Variants in SLC2A12 observed in about 807,000 individuals in gnomAD.
SLC2A12 encodes solute carrier family 2 member 12, also known as solute carrier family 2, facilitated glucose transporter member 12.
In SLC2A12, 23 loss-of-function variants were observed where a neutral mutation model predicts 41.8. The observed-to-expected ratio is 0.55, with a 90% confidence interval of 0.40 to 0.78. SLC2A12 has a LOEUF of 0.78. SLC2A12 is among the 30% of genes least tolerant of loss of function. The pLI, the probability that SLC2A12 is intolerant of heterozygous loss-of-function variation, is 0.00. For missense variants in SLC2A12, 654 were observed against 745.6 expected (o/e 0.88, Z 1.43); for synonymous variants, 295 against 285.9 (o/e 1.03, Z -0.32).
chr6:134,048,712 T>A (rs1481707380), intron 1 of SLC2A12, among the ~76,000 whole-genome samples: 2 of 152,178 alleles, frequency 1.3e-5, no homozygotes, highest in African/African-American at 2.4e-5. Context: ...CGGGTTTTGA[T>A]GCTTAATTGT....
chr6:133,987,902 T>C lies in SLC2A12; in HGVS notation c.*3253A>G, dbSNP rs528250384. The C allele has an allele frequency of 1.3e-5, 2 of 152,370 alleles. No individual in the cohort carries two copies. The highest frequency in any genetic ancestry group is 6.6e-5 in the Admixed American group (1 of 15,242). The allele number at this position is 152,370 out of a possible 1,614,324, so 9.4% of individuals were successfully genotyped here. On this transcript the variant is annotated 3_prime_UTR_variant, in exon 5 of 5. Transcript: ENST00000275230. ...GAAGAGAAACCTCTTACCCACTAGA[T>C]GGAAATGAGAAAGAAGCTGTGATGA...
intron 1 of SLC2A12, among the ~76,000 whole-genome samples, chr6:134,043,506 T>A (rs1376489530): frequency 1.3e-5 from 2 of 152,092 alleles, no homozygotes; most frequent in East Asian, 3.9e-4. Flanking sequence ...ATTTTCTTGA[T>A]TTCTCAGGCC....
At chr6:134,031,134 G>A (rs1777200547) in intron 1 of SLC2A12, among the ~76,000 whole-genome samples, 1 of 152,194 alleles carries the variant, frequency 6.6e-6, no homozygotes, top group Non-Finnish European at 1.5e-5. Flanking sequence ...GCTCACGCCT[G>A]TAATCCCAGC....
chr6:134,038,508 T>C (rs1274227846), intron 1 of SLC2A12, among the ~76,000 whole-genome samples: 1 of 150,180 alleles, frequency 6.7e-6, no homozygotes, highest in Non-Finnish European at 1.5e-5. Context: ...ATTACAGGTG[T>C]GGGCCACCAC....
Position 133,991,231 on chromosome 6 carries a change from T to G in SLC2A12, c.1778A>C (p.Lys593Thr), listed in dbSNP as rs904229398. The G allele has an allele frequency of 6.2e-7, 1 of 1,614,116 alleles. No homozygotes were observed. The highest frequency in any genetic ancestry group is 1.6e-4 in the Middle Eastern group (1 of 6,062). Residue 593 changes from lysine to threonine, a missense_variant, in exon 5 of 5, where the codon AAA becomes ACA. This residue lies in a region of SLC2A12 where 134 missense variants were observed against 180.5 expected (regional missense o/e 0.74). Transcript: ENST00000275230. ...ELVPKQPQKR[K>T]PQEQLLECNK... ...ACACTCCAAGAGCTGCTCCTGGGGTTTTCTTTTTTGAGGCTGTTTTGGCAC... is the reference window on the plus strand; with the variant it reads ...ACACTCCAAGAGCTGCTCCTGGGGTGTTCTTTTTTGAGGCTGTTTTGGCAC...
chr6:134,015,619 T>C (rs898709257), intron 2 of SLC2A12, among the ~76,000 whole-genome samples: 10 of 152,336 alleles, frequency 6.6e-5, no homozygotes, highest in African/African-American at 2.2e-4. Context: ...CCTTTGACTG[T>C]GGTGGTTCTG....
intron 2 of SLC2A12, among the ~76,000 whole-genome samples, chr6:134,018,188 T>A (rs1776989626): frequency 6.6e-6 from 1 of 152,202 alleles, no homozygotes; most frequent in Admixed American, 6.5e-5. Flanking sequence ...TTATCAGAAC[T>A]GTTCACCTCA....
chr6:134,051,894 T>A (rs910450089), intron 1 of SLC2A12, among the ~76,000 whole-genome samples: 1 of 152,212 alleles, frequency 6.6e-6, no homozygotes, highest in Non-Finnish European at 1.5e-5. Context: ...ATGAAGCCTG[T>A]TTAAAATACT....
chr6:134,005,659 T>TAAAAAAAAAAAAAAAAA (rs56710009), intron 3 of SLC2A12, among the ~76,000 whole-genome samples: 1 of 64,960 alleles, frequency 1.5e-5, no homozygotes, highest in African/African-American at 6.8e-5. Flanking sequence ...GACTCTGTCT[T>TAAAAAAAAAAAAAAAAA]AAAAAAAAAA....
intron 1 of SLC2A12, among the ~76,000 whole-genome samples, chr6:134,045,380 T>G (rs2114509816): frequency 6.6e-6 from 1 of 152,330 alleles, no homozygotes; most frequent in East Asian, 1.9e-4. Flanking sequence ...CACTGTGCTG[T>G]CCTCTAATAT....
chr6:134,035,083 C>T lies in SLC2A12; in HGVS notation c.104-5362G>A, dbSNP rs558985707. 3.1e-4 allele frequency among the ~76,000 whole-genome samples: 45 copies of T among 144,778 alleles called. 1 individual carries two copies. Among genetic ancestry groups the T allele is most frequent in the Middle Eastern group, 3.5e-3 (1 of 284 alleles). 95.0% of individuals were successfully genotyped at this position (144,778 alleles called of 152,430 possible). A position where few individuals can be genotyped will look rare whatever the true frequency, so the allele number is the denominator to read the frequency against. ...GCTCGGAATAAGATACCCCAAAGTA[C>T]GGCACATTGGTGTGCTGAGTACTTT... On this transcript the variant is annotated intron_variant, in intron 1 of 4. Coordinates refer to ENST00000275230, the MANE Select transcript of SLC2A12 (RefSeq NM_145176.3).
intron 4 of SLC2A12, among the ~76,000 whole-genome samples, chr6:133,992,691 TG>T (rs761129235): frequency 1.3e-5 from 2 of 151,986 alleles, no homozygotes; most frequent in Non-Finnish European, 2.9e-5. Context: ...GAAGTGGCCT[TG>T]GTGGGCCATG....
At chr6:134,014,806 G>A (rs1776933798) in intron 2 of SLC2A12, among the ~76,000 whole-genome samples, 1 of 152,228 alleles carries the variant, frequency 6.6e-6, no homozygotes, top group South Asian at 2.1e-4. Flanking sequence ...TATTATGTGA[G>A]CAGTTGCCCA....
intron 1 of SLC2A12, among the ~76,000 whole-genome samples, chr6:134,042,259 A>C (rs966495295): frequency 1.3e-4 from 20 of 152,326 alleles, no homozygotes; most frequent in Middle Eastern, 3.4e-3. Context: ...TTATTTAATT[A>C]GGGAAATGAA....
intron 2 of SLC2A12, among the ~76,000 whole-genome samples, chr6:134,023,550 C>T (rs1161891066): frequency 1.3e-5 from 2 of 151,996 alleles, no homozygotes; most frequent in Non-Finnish European, 2.9e-5. Context: ...TCATGTGAGA[C>T]GATGGAACTG....
chr6:134,039,398 CAG>C (rs1189549310), intron 1 of SLC2A12, among the ~76,000 whole-genome samples: 3 of 152,226 alleles, frequency 2.0e-5, no homozygotes, highest in Admixed American at 1.3e-4. Context: ...TCTTTTGCCA[CAG>C]AGTCTATCTT....
chr6:134,007,173 G>A (rs1188614888), intron 2 of SLC2A12, among the ~76,000 whole-genome samples: 3 of 152,244 alleles, frequency 2.0e-5, no homozygotes, highest in Non-Finnish European at 2.9e-5. Flanking sequence ...CCCATGCATA[G>A]GGTGAGGGGC....
intron 2 of SLC2A12, among the ~76,000 whole-genome samples, chr6:134,010,813 C>T (rs527914409): frequency 6.6e-6 from 1 of 152,264 alleles, no homozygotes; most frequent in South Asian, 2.1e-4. Flanking sequence ...CGGTTGAGGA[C>T]ATGGACTTGG....
chr6:133,995,234 AAG>A (rs1209781501), intron 4 of SLC2A12, among the ~76,000 whole-genome samples: 1 of 152,112 alleles, frequency 6.6e-6, no homozygotes, highest in African/African-American at 2.4e-5. Context: ...AAGATGGAGA[AAG>A]AATCATAGCA....
Sources: allele counts gnomAD v4.1 joint callset (sites outside exome capture counted in the v4.1 genomes callset), GRCh38; gene constraint gnomAD v4.1.1; regional missense constraint gnomAD v4.1.1; transcripts MANE v1.5; gene names NCBI Gene and HGNC (gene_info 2026-07-23, HGNC 2026-07-21).